PPP1R9A: variants seen among roughly 807,000 people sequenced by gnomAD.
PPP1R9A encodes the protein protein phosphatase 1 regulatory subunit 9A, also known as neurabin-1.
PPP1R9A carries 59 observed loss-of-function variants against 141.9 expected under a neutral mutation model. That is an observed-to-expected ratio of 0.42 (90% CI 0.34 to 0.52). The LOEUF is 0.52. Ranked by LOEUF, PPP1R9A falls within the 20% of genes least tolerant of loss-of-function variation. The pLI, the probability that PPP1R9A is intolerant of heterozygous loss-of-function variation, is 0.10. For synonymous variants in PPP1R9A, 500 were observed against 569.7 expected (o/e 0.88, Z 1.74); for missense variants, 1,444 against 1,611.9 (o/e 0.90, Z 1.78).
intron 12 of PPP1R9A, among the ~76,000 whole-genome samples, chr7:95,262,313 T>C (rs1442935786): frequency 6.6e-6 from 1 of 152,210 alleles, no homozygotes; most frequent in Non-Finnish European, 1.5e-5. Flanking sequence ...TTTGATTACA[T>C]TTTTGTATTT....
At chr7:94,982,336 A>G (rs1800231514) in intron 2 of PPP1R9A, among the ~76,000 whole-genome samples, 2 of 152,248 alleles carry the variant, frequency 1.3e-5, no homozygotes, top group South Asian at 4.2e-4. Context: ...TTGGGTATAT[A>G]CCCAGTAATG....
chr7:94,955,003 G>A (rs10275958), intron 2 of PPP1R9A, among the ~76,000 whole-genome samples: 10,042 of 151,612 alleles, frequency 0.066, 425 homozygotes, highest in African/African-American at 0.11. Context: ...AAAATTGCTC[G>A]TATTTAGATT....
intron 2 of PPP1R9A, among the ~76,000 whole-genome samples, chr7:94,940,733 T>A (rs1032913982): frequency 6.6e-6 from 1 of 151,966 alleles, no homozygotes; most frequent in African/African-American, 2.4e-5. Context: ...GATCAAAAAA[T>A]CAAATATTAT....
chr7:95,082,329 G>A (rs1815984149), intron 2 of PPP1R9A, among the ~76,000 whole-genome samples: 1 of 152,200 alleles, frequency 6.6e-6, no homozygotes, highest in East Asian at 1.9e-4. Flanking sequence ...GTAGAGCTGT[G>A]AGCATGCTCG....
intron 2 of PPP1R9A, among the ~76,000 whole-genome samples, chr7:95,052,222 A>G (rs1043345857): frequency 1.2e-4 from 19 of 152,192 alleles, no homozygotes; most frequent in African/African-American, 4.6e-4. Flanking sequence ...CAGGGAGACT[A>G]CGAACTGGCT....
At chr7:95,206,384 G>A (rs1481537443) in intron 7 of PPP1R9A, among the ~76,000 whole-genome samples, 4 of 151,990 alleles carry the variant, frequency 2.6e-5, no homozygotes, top group African/African-American at 9.7e-5. Context: ...ATTTGACATA[G>A]AGTGAAATGC....
intron 2 of PPP1R9A, among the ~76,000 whole-genome samples, chr7:94,993,110 C>T (rs1252825881): frequency 6.6e-6 from 1 of 150,740 alleles, no homozygotes; most frequent in Non-Finnish European, 1.5e-5. Context: ...TTTTTTGCAT[C>T]TGGATATCCA....
At chr7:95,238,132 C>T (rs1796961880) in intron 8 of PPP1R9A, among the ~76,000 whole-genome samples, 1 of 152,174 alleles carries the variant, frequency 6.6e-6, no homozygotes, top group Non-Finnish European at 1.5e-5. Context: ...TCTACCTCTC[C>T]TCTTGTTGCC....
chr7:95,109,610 A>G (rs1820178692), intron 2 of PPP1R9A, among the ~76,000 whole-genome samples: 1 of 152,126 alleles, frequency 6.6e-6, no homozygotes, highest in South Asian at 2.1e-4. Context: ...GGAGGCCAAG[A>G]TGGGAGGATT....
chr7:95,275,770 G>A (rs887902279), intron 16 of PPP1R9A, among the ~76,000 whole-genome samples: 4 of 152,142 alleles, frequency 2.6e-5, no homozygotes, highest in African/African-American at 9.7e-5. Flanking sequence ...ATATACCTTG[G>A]TGAGAAATTG....
Position 95,019,346 on chromosome 7 carries a change from GCA to G in PPP1R9A, c.1396-91911_1396-91910del, listed in dbSNP as rs1282845404. 2.0e-5 allele frequency among the ~76,000 whole-genome samples: 3 copies of G among 152,304 alleles called. No individual in the cohort carries two copies. The East Asian group carries it at 5.8e-4, about 29-fold the overall frequency. Reference sequence around the variant, plus strand: ...TGCAGTGAGCCCAGATCGCAACACTGCACTCCAGCCTGGGCGATAGAGCGAGA... The same window carrying G: ...TGCAGTGAGCCCAGATCGCAACACTGCTCCAGCCTGGGCGATAGAGCGAGA... On this transcript the variant is annotated intron_variant, in intron 2 of 19. Transcript: ENST00000433360.
intron 2 of PPP1R9A, among the ~76,000 whole-genome samples, chr7:95,088,839 G>A (rs1816964987): frequency 6.6e-6 from 1 of 151,992 alleles, no homozygotes; most frequent in African/African-American, 2.4e-5. Flanking sequence ...CTTTTAGTCA[G>A]TATTTACTGC....
In PPP1R9A at chr7:95,295,295, G is replaced by A. The variant is rs1009989854; in HGVS notation, c.*4992G>A. The A allele has an allele frequency of 2.6e-5, 4 of 152,526 alleles. No individual in the cohort carries two copies. The highest frequency in any genetic ancestry group is 2.6e-4 in the Admixed American group (4 of 15,280). 9.4% of individuals were successfully genotyped at this position (152,526 alleles called of 1,614,324 possible). A position where few individuals can be genotyped will look rare whatever the true frequency, so the allele number is the denominator to read the frequency against. On this transcript the variant is annotated 3_prime_UTR_variant, in exon 20 of 20. Transcript: ENST00000433360. ...TTTATTGTAAGTATTTCTACTAAAT[G>A]CACTTATCCTTCTATATGTTTATAT...
chr7:95,145,035 A>G (rs1827362739), intron 4 of PPP1R9A, among the ~76,000 whole-genome samples: 1 of 152,234 alleles, frequency 6.6e-6, no homozygotes, highest in African/African-American at 2.4e-5. Flanking sequence ...TGAGGAAGTG[A>G]AAGATATGCA....
intron 2 of PPP1R9A, among the ~76,000 whole-genome samples, chr7:94,920,914 T>C (rs1197019109): frequency 1.3e-5 from 2 of 152,190 alleles, no homozygotes; most frequent in Non-Finnish European, 2.9e-5. Context: ...CTTTTCTCTT[T>C]TATTCACCTC....
At chr7:95,208,581 G>A (rs1032745437) in intron 7 of PPP1R9A, among the ~76,000 whole-genome samples, 9 of 151,744 alleles carry the variant, frequency 5.9e-5, no homozygotes, top group Non-Finnish European at 1.3e-4. Flanking sequence ...AAAATTAGCC[G>A]GGCATGGTGG....
At chr7:95,210,523 T>A (rs888802832) in intron 7 of PPP1R9A, among the ~76,000 whole-genome samples, 5 of 151,872 alleles carry the variant, frequency 3.3e-5, no homozygotes, top group African/African-American at 1.2e-4. Flanking sequence ...TGGAGTGCAG[T>A]GGCATGATCT....
At chr7:95,205,253 A>G (rs900514738) in intron 7 of PPP1R9A, among the ~76,000 whole-genome samples, 5 of 152,206 alleles carry the variant, frequency 3.3e-5, no homozygotes, top group African/African-American at 1.2e-4. Flanking sequence ...AATGATTTGA[A>G]TATATTTTCC....
At chr7:95,150,233 G>T (rs961009205) in intron 4 of PPP1R9A, among the ~76,000 whole-genome samples, 8 of 151,226 alleles carry the variant, frequency 5.3e-5, no homozygotes, top group Non-Finnish European at 1.2e-4. Flanking sequence ...AGACCTAAAT[G>T]TAAAATGCAA....
Sources: allele counts gnomAD v4.1 joint callset (sites outside exome capture counted in the v4.1 genomes callset), GRCh38; gene constraint gnomAD v4.1.1; transcripts MANE v1.5; gene names NCBI Gene and HGNC (gene_info 2026-07-23, HGNC 2026-07-21).